The following PEX1 variants were observed in gnomAD, a reference collection of about 807,000 sequenced individuals.
PEX1 encodes peroxisomal biogenesis factor 1.
PEX1 carries 97 observed loss-of-function variants against 152.5 expected under a neutral mutation model. That is an observed-to-expected ratio of 0.64 (90% CI 0.54 to 0.75). The LOEUF is 0.75. PEX1 is among the 30% of genes least tolerant of loss of function. The pLI is 0.00. For missense variants in PEX1, 1,357 were observed against 1,516.3 expected (o/e 0.89, Z 1.74); for synonymous variants, 485 against 531.6 (o/e 0.91, Z 1.21).
At position 92,528,331 on chromosome 7, in the gene PEX1, G is replaced by C. The variant is rs975387176; in HGVS notation, c.105C>G (p.Leu35=). The C allele has an allele frequency of 8.3e-6, 13 of 1,566,646 alleles. No individual in the cohort carries two copies. The highest frequency in any genetic ancestry group is 1.1e-5 in the Non-Finnish European group (13 of 1,157,808). The change falls in exon 1 of 24, where the codon CTC becomes CTG. Residue 35 remains leucine (L), a synonymous_variant. Transcript: ENST00000248633. Reference sequence around the variant, plus strand: ...CCTGCAGCAGATGCAGCTGGGCCACGAGACGCCGCGGCAGGTGGAGGAAGC... The same window carrying C: ...CCTGCAGCAGATGCAGCTGGGCCACCAGACGCCGCGGCAGGTGGAGGAAGC... ...RDCFLHLPRR[L]VAQLHLLQNQ... is the part of the protein sequence containing the mutation.
rs562108145 is a variant in PEX1 at position 92,509,340 on chromosome 7, C to G, written c.1659G>C (p.Leu553=). 2.9e-5 allele frequency: 46 copies of G among 1,611,392 alleles called. No homozygotes were observed. In the South Asian group the frequency reaches 4.9e-4, roughly 17 times the overall value. ...EIDFILPFLK[L]SSLGGVNSLG... is the part of the protein sequence containing the mutation. Reference sequence around the variant, plus strand: ...CCATAACTTCTTACCCCAAAGAGCTCAGCTTTAAAAAAGGAAGAATAAAGT... The same window carrying G: ...CCATAACTTCTTACCCCAAAGAGCTGAGCTTTAAAAAAGGAAGAATAAAGT... The change falls in exon 9 of 24, where the codon CTG becomes CTC. Residue 553 remains leucine, a synonymous_variant. Coordinates refer to ENST00000248633, the MANE Select transcript of PEX1 (RefSeq NM_000466.3).
At chr7:92,506,392 A>G (rs778325888) in intron 10 of PEX1, 48 bp from the exon 11 acceptor site, 1 of 1,157,234 alleles carries the variant, frequency 8.6e-7, no homozygotes, top group Non-Finnish European at 1.3e-6. Context: ...TCAGTCACAG[A>G]AATAGTTCCT....
Position 92,506,858 on chromosome 7 carries a change from C to CT in PEX1, c.1803+135dup. 13 of 826,370 alleles carry CT rather than the reference C, an allele frequency of 1.6e-5. No homozygotes were observed. In the South Asian group the frequency reaches 1.9e-4, roughly 12 times the overall value. 51.2% of individuals were successfully genotyped at this position (826,370 alleles called of 1,614,324 possible). A position where few individuals can be genotyped will look rare whatever the true frequency, so the allele number is the denominator to read the frequency against. On this transcript the variant is annotated intron_variant, in intron 10 of 23. Transcript: ENST00000248633. ...AGAAATATTAGTGAATAAATGAATGCTTTCCATATGTCGTATAAACCCTAT... is the reference window on the plus strand; with the variant it reads ...AGAAATATTAGTGAATAAATGAATGCTTTTCCATATGTCGTATAAACCCTAT...
chr7:92,488,170 G>A (rs756487426), intron 23 of PEX1, among the ~76,000 whole-genome samples: 2 of 152,206 alleles, frequency 1.3e-5, no homozygotes, highest in African/African-American at 4.8e-5. Flanking sequence ...CAGGATGTAT[G>A]TGGATAAAGG....
intron 9 of PEX1, among the ~76,000 whole-genome samples, chr7:92,508,109 TGAG>T: frequency 6.6e-6 from 1 of 152,348 alleles, no homozygotes; most frequent in South Asian, 2.1e-4. Context: ...TTTGAAGTAC[TGAG>T]GATAACTAAA....
intron 16 of PEX1, among the ~76,000 whole-genome samples, chr7:92,499,009 T>C (rs1423056059): frequency 2.0e-5 from 3 of 152,166 alleles, no homozygotes; most frequent in Non-Finnish European, 4.4e-5. Context: ...ATACAACTTT[T>C]AATAGATGGA....
chr7:92,488,274 G>A (rs1382492567), intron 23 of PEX1, among the ~76,000 whole-genome samples: 2 of 152,124 alleles, frequency 1.3e-5, no homozygotes, highest in African/African-American at 4.8e-5. Context: ...GAGGTGGTGG[G>A]CTTAACAGAA....
chr7:92,493,979 TGACAGGA>T, intron 19 of PEX1: 1 of 304,646 alleles, frequency 3.3e-6, no homozygotes, highest in African/African-American at 2.2e-5. Context: ...GTTTTTTTTT[TGACAGGA>T]TAATGGAAGT....
intron 10 of PEX1, 76 bp downstream of exon 10, chr7:92,506,918 A>G: frequency 6.7e-7 from 1 of 1,482,122 alleles, no homozygotes; most frequent in Non-Finnish European, 9.4e-7. Context: ...TATATAATAG[A>G]TGGTCAAAAC....
chr7:92,511,964 A>G (rs1792489854), intron 6 of PEX1, among the ~76,000 whole-genome samples: 1 of 152,208 alleles, frequency 6.6e-6, no homozygotes, highest in African/African-American at 2.4e-5. Context: ...CATCTACCAT[A>G]ATGTGGCTCA....
At chr7:92,488,802 C>T (rs1380738018) in intron 23 of PEX1, among the ~76,000 whole-genome samples, 3 of 150,520 alleles carry the variant, frequency 2.0e-5, no homozygotes, top group Non-Finnish European at 4.4e-5. Flanking sequence ...GGTGCAATCT[C>T]GGCTCACTGC....
Position 92,518,268 on chromosome 7 carries a change from G to A in PEX1, c.358-13C>T, listed in dbSNP as rs749180235. Reference sequence around the variant, plus strand: ...CAGCATGCAGCTCCTAGAACCAACAGACGAAAAGATCAATTCACTTTACAT... The same window carrying A: ...CAGCATGCAGCTCCTAGAACCAACAAACGAAAAGATCAATTCACTTTACAT... On this transcript the variant is annotated splice_polypyrimidine_tract_variant and intron_variant, in intron 3 of 23. Transcript: ENST00000248633. 3 of 1,473,726 alleles carry A rather than the reference G, an allele frequency of 2.0e-6. No homozygotes were observed. Among genetic ancestry groups the A allele is most frequent in the Non-Finnish European group, 2.9e-6 (3 of 1,052,164 alleles). 91.3% of individuals were successfully genotyped at this position (1,473,726 alleles called of 1,614,324 possible).
At chr7:92,527,098 C>T (rs149677192) in intron 1 of PEX1, among the ~76,000 whole-genome samples, 19 of 152,302 alleles carry the variant, frequency 1.2e-4, no homozygotes, top group African/African-American at 4.1e-4. Context: ...AAGACATTTA[C>T]ATTTCAAAAA....
At chr7:92,514,879 G>A (rs113088812) in intron 5 of PEX1, among the ~76,000 whole-genome samples, 4,817 of 151,690 alleles carry the variant, frequency 0.032, 104 homozygotes, top group Non-Finnish European at 0.041. Context: ...GTGAAACCTC[G>A]TCTCTACTAA....
chr7:92,501,453 A>G (rs1791921141), intron 15 of PEX1, 54 bp downstream of exon 15: 1 of 1,463,652 alleles, frequency 6.8e-7, no homozygotes, highest in South Asian at 1.1e-5. Flanking sequence ...CAAAGCCAAT[A>G]ATACAGTGGT....
chr7:92,521,028 A>G (rs899877560), intron 2 of PEX1, among the ~76,000 whole-genome samples: 2 of 152,206 alleles, frequency 1.3e-5, no homozygotes, highest in Non-Finnish European at 1.5e-5. Flanking sequence ...GCTGGAGTGC[A>G]TAATCATAGG....
intron 11 of PEX1, among the ~76,000 whole-genome samples, chr7:92,505,275 T>G (rs901437707): frequency 4.6e-5 from 7 of 151,914 alleles, no homozygotes; most frequent in Admixed American, 1.3e-4. Flanking sequence ...TAGCCAGGTG[T>G]GGTGGCATGC....
Position 92,487,378 on chromosome 7 carries a change from G to A in PEX1, c.*79C>T. 4.0e-6 allele frequency: 3 copies of A among 746,906 alleles called. No homozygotes were observed. Among genetic ancestry groups the A allele is most frequent in the Non-Finnish European group, 7.0e-6 (3 of 429,264 alleles). The allele number at this position is 746,906 out of a possible 1,614,324, so 46.3% of individuals were successfully genotyped here. A position where few individuals can be genotyped will look rare whatever the true frequency, so the allele number is the denominator to read the frequency against. ...TTGTTAAATTAAGAAGAAATTCATA[G>A]ACACCATTTTTTTCCTGTTACAACA... On this transcript the variant is annotated 3_prime_UTR_variant, in exon 24 of 24. Transcript: ENST00000248633.
chr7:92,504,975 G>C (rs1792116261), intron 11 of PEX1, 73 bp from the exon 12 acceptor site: 2 of 1,128,124 alleles, frequency 1.8e-6, no homozygotes, highest in Non-Finnish European at 2.7e-6. Context: ...CCTTTTGAAA[G>C]CACTAGAAAA....
Sources: allele counts gnomAD v4.1 joint callset (sites outside exome capture counted in the v4.1 genomes callset), GRCh38; gene constraint gnomAD v4.1.1; transcripts MANE v1.5; gene names NCBI Gene and HGNC (gene_info 2026-07-23, HGNC 2026-07-21).